Variants in ATF7IP observed in about 807,000 individuals in gnomAD.
ATF7IP encodes activating transcription factor 7-interacting protein 1.
A neutral mutation model predicts 106.4 loss-of-function variants in ATF7IP; 23 were observed. That is an observed-to-expected ratio of 0.22 (90% CI 0.16 to 0.31). The LOEUF is 0.31. Among genes scored for constraint, ATF7IP ranks in the 10% least tolerant of loss-of-function variants. The pLI is 1.00. For synonymous variants in ATF7IP, 542 were observed against 539.0 expected (o/e 1.01, Z -0.08); for missense variants, 1,334 against 1,524.3 (o/e 0.88, Z 2.08).
intron 1 of ATF7IP, among the ~76,000 whole-genome samples, chr12:14,406,746 C>G (rs1357790304): frequency 6.6e-6 from 1 of 150,742 alleles, no homozygotes; most frequent in East Asian, 1.9e-4. Flanking sequence ...CTCACTGCCA[C>G]CACGCCTGGC....
chr12:14,437,825 G>A (rs922524865), intron 4 of ATF7IP, among the ~76,000 whole-genome samples: 2 of 151,994 alleles, frequency 1.3e-5, no homozygotes, highest in Non-Finnish European at 2.9e-5. Context: ...AGGCCGAGGC[G>A]GGCGGATCAC....
intron 2 of ATF7IP, among the ~76,000 whole-genome samples, chr12:14,429,793 G>T (rs934356102): frequency 2.0e-5 from 3 of 152,134 alleles, no homozygotes; most frequent in Non-Finnish European, 4.4e-5. Flanking sequence ...GCTTCTCTTT[G>T]TGGAGCTTCT....
chr12:14,465,580 G>A (rs966485220), intron 9 of ATF7IP, among the ~76,000 whole-genome samples: 1 of 151,908 alleles, frequency 6.6e-6, no homozygotes, highest in Non-Finnish European at 1.5e-5. Flanking sequence ...CAAAAAGAAG[G>A]TAATTCAGAT....
intron 9 of ATF7IP, 185 bp from the exon 10 acceptor site, chr12:14,466,341 A>G (rs1439633904): frequency 3.4e-6 from 2 of 595,076 alleles, no homozygotes; most frequent in East Asian, 3.0e-5. Flanking sequence ...TGTGATCTGT[A>G]TAGTAATCTG....
chr12:14,469,266 A>T (rs903596716), intron 10 of ATF7IP, among the ~76,000 whole-genome samples: 2 of 151,302 alleles, frequency 1.3e-5, no homozygotes, highest in African/African-American at 4.9e-5. Flanking sequence ...AGGCTGAGGC[A>T]GGAGGATCAC....
At chr12:14,397,122 A>G (rs1939894745) in intron 1 of ATF7IP, among the ~76,000 whole-genome samples, 2 of 152,334 alleles carry the variant, frequency 1.3e-5, no homozygotes, top group South Asian at 2.1e-4. Context: ...AGATCGCACC[A>G]TTGCACTCCA....
At chr12:14,450,964 C>T (rs1360426509) in intron 6 of ATF7IP, among the ~76,000 whole-genome samples, 6 of 151,848 alleles carry the variant, frequency 4.0e-5, no homozygotes, top group South Asian at 2.1e-4. Context: ...GTAGTAGAGA[C>T]GGGCTTTCGT....
intron 6 of ATF7IP, among the ~76,000 whole-genome samples, chr12:14,455,164 G>A (rs1249630279): frequency 6.2e-5 from 9 of 145,712 alleles, no homozygotes; most frequent in Non-Finnish European, 1.2e-4. Flanking sequence ...CAGCCTGGGC[G>A]ACAGTGAGAC....
intron 10 of ATF7IP, among the ~76,000 whole-genome samples, chr12:14,469,424 A>G (rs150715062): frequency 5.3e-5 from 8 of 151,298 alleles, no homozygotes; most frequent in Middle Eastern, 3.4e-3. Context: ...GCTGTAGTTA[A>G]TTAGCAAATG....
At chr12:14,480,952 C>A in intron 12 of ATF7IP, 51 bp from the exon 13 acceptor site, 1 of 1,538,166 alleles carries the variant, frequency 6.5e-7, no homozygotes, top group Non-Finnish European at 8.9e-7. Context: ...ATACTGTTTG[C>A]TTAACGTAGA....
intron 1 of ATF7IP, among the ~76,000 whole-genome samples, chr12:14,393,189 G>T (rs1422516803): frequency 6.6e-6 from 1 of 152,116 alleles, no homozygotes; most frequent in Non-Finnish European, 1.5e-5. Flanking sequence ...TTTATTCATG[G>T]TTGGATGCAT....
chr12:14,490,743 C>T (rs780403782), intron 13 of ATF7IP, among the ~76,000 whole-genome samples: 7 of 152,206 alleles, frequency 4.6e-5, no homozygotes, highest in Admixed American at 2.0e-4. Flanking sequence ...AGGGGAGACA[C>T]GGGCATTTGA....
intron 5 of ATF7IP, among the ~76,000 whole-genome samples, chr12:14,444,180 C>A (rs1417575922): frequency 3.3e-5 from 5 of 152,102 alleles, no homozygotes; most frequent in African/African-American, 1.2e-4. Context: ...TTAGAAAATG[C>A]CATTTTAAGT....
intron 1 of ATF7IP, among the ~76,000 whole-genome samples, chr12:14,387,938 A>G (rs1939328842): frequency 6.6e-6 from 1 of 152,022 alleles, no homozygotes; most frequent in South Asian, 2.1e-4. Flanking sequence ...CCAAACCTGA[A>G]TTTGAATACT....
chr12:14,387,696 T>G (rs1565474810), intron 1 of ATF7IP, among the ~76,000 whole-genome samples: 1 of 152,200 alleles, frequency 6.6e-6, no homozygotes, highest in African/African-American at 2.4e-5. Context: ...CTTAATGAGA[T>G]GATTGCTTTT....
intron 1 of ATF7IP, among the ~76,000 whole-genome samples, chr12:14,373,816 C>T (rs557425099): frequency 6.6e-6 from 1 of 151,900 alleles, no homozygotes; most frequent in Non-Finnish European, 1.5e-5. Context: ...GGTTGGGGTC[C>T]CAGTTATTAT....
At chr12:14,378,300 G>A (rs906658548) in intron 1 of ATF7IP, among the ~76,000 whole-genome samples, 10 of 151,718 alleles carry the variant, frequency 6.6e-5, no homozygotes, top group Admixed American at 6.6e-5. Flanking sequence ...GTTTTGCCAT[G>A]TTGGCCAGGC....
In ATF7IP at chr12:14,460,897, G is replaced by A. The variant is rs769544967; in HGVS notation, c.2561G>A (p.Ser854Asn). 3.1e-6 allele frequency: 5 copies of A among 1,614,154 alleles called. No homozygotes were observed. The Admixed American group carries it at 5.0e-5, about 16-fold the overall frequency. ...PNNVPSVPSP[S>N]IQRNPTASAA... The stretch of plus-strand genomic sequence containing the variant: ...AACGTTCCTTCTGTGCCCAGTCCTA[G>A]TATTCAAAGGAACCCTACTGCCAGT... The change falls in exon 9 of 15, where the codon AGT becomes AAT. Residue 854 changes from serine (S) to asparagine (N), a missense_variant. By Grantham distance (46) the Ser-to-Asn change is conservative. This residue lies in a region of ATF7IP where 370 missense variants were observed against 401.2 expected (regional missense o/e 0.92). Coordinates refer to ENST00000261168, the MANE Select transcript of ATF7IP (RefSeq NM_018179.5).
intron 1 of ATF7IP, among the ~76,000 whole-genome samples, chr12:14,375,007 T>C (rs1938676689): frequency 6.6e-6 from 1 of 152,142 alleles, no homozygotes; most frequent in South Asian, 2.1e-4. Flanking sequence ...TCCTTTCTAA[T>C]AAGGTATGAT....
Sources: gnomAD v4.1 joint callset for allele counts (sites outside exome capture counted in the v4.1 genomes callset) on GRCh38, gnomAD v4.1.1 for gene constraint, gnomAD v4.1.1 regional missense constraint, MANE v1.5 for transcripts, NCBI Gene and HGNC (gene_info 2026-07-23, HGNC 2026-07-21) for gene names.